The following MSN variants were observed in gnomAD, a reference collection of about 807,000 sequenced individuals.
MSN encodes epididymis luminal protein 70.
In MSN, 2 loss-of-function variants were observed where a neutral mutation model predicts 48.0. The observed-to-expected ratio is 0.04, with a 90% confidence interval of 0.02 to 0.13. MSN has a LOEUF of 0.13. Ranked by LOEUF, MSN falls within the 10% of genes least tolerant of loss-of-function variation. The pLI, the probability that MSN is intolerant of heterozygous loss-of-function variation, is 1.00. For synonymous variants in MSN, 146 were observed against 166.9 expected (o/e 0.87, Z 0.97); for missense variants, 267 against 470.1 (o/e 0.57, Z 3.99).
At chrX:65,643,401 T>G (rs769315720) in intron 1 of MSN, among the ~76,000 whole-genome samples, 2 of 109,243 alleles carry the variant, frequency 1.8e-5, no homozygotes, top group East Asian at 5.8e-4. Context: ...AAGGCAAGAG[T>G]GGGAGGAGAC....
intron 1 of MSN, among the ~76,000 whole-genome samples, chrX:65,707,197 C>A (rs1366731920): frequency 9.0e-6 from 1 of 111,000 alleles, no homozygotes; most frequent in Non-Finnish European, 1.9e-5. Flanking sequence ...GTGTCTCAGC[C>A]CAGCTAACTG....
At chrX:65,723,709 G>A (rs1450327594) in intron 2 of MSN, among the ~76,000 whole-genome samples, 1 of 111,901 alleles carries the variant, frequency 8.9e-6, no homozygotes, top group Non-Finnish European at 1.9e-5. Context: ...GCTTGGAAAA[G>A]GGGTTTAGAG....
chrX:65,737,706 A>C (rs188978663), intron 10 of MSN, among the ~76,000 whole-genome samples: 5 of 112,318 alleles, frequency 4.5e-5, no homozygotes, highest in Non-Finnish European at 7.5e-5. Flanking sequence ...CAGTAACCCT[A>C]TGGGATTAAC....
chrX:65,694,070 A>G (rs1438156759), intron 1 of MSN, among the ~76,000 whole-genome samples: 1 of 109,650 alleles, frequency 9.1e-6, no homozygotes, highest in African/African-American at 3.3e-5. Flanking sequence ...CACACAAACA[A>G]AAAACAAAAA....
At chrX:65,696,649 T>C (rs1028962852) in intron 1 of MSN, among the ~76,000 whole-genome samples, 2 of 110,928 alleles carry the variant, frequency 1.8e-5, no homozygotes, top group Admixed American at 9.6e-5. Flanking sequence ...ACCTCAGCAT[T>C]GAGGGGTGTG....
At chrX:65,614,136 C>T (rs2070345456) in intron 1 of MSN, among the ~76,000 whole-genome samples, 2 of 111,614 alleles carry the variant, frequency 1.8e-5, no homozygotes, top group African/African-American at 6.5e-5. Context: ...GAATCCTTTC[C>T]CCATTGCTTG....
Position 65,738,072 on chromosome X carries a change from C to T in MSN, c.1252-453C>T, listed in dbSNP as rs777220503. Among the ~76,000 whole-genome samples the T allele has an allele frequency of 1.1e-3, 120 of 112,279 alleles. 1 individual carries two copies. The highest frequency in any genetic ancestry group is 3.6e-3 in the African/African-American group (110 of 30,910). On this transcript the variant is annotated intron_variant, in intron 10 of 12. Coordinates refer to ENST00000360270, the MANE Select transcript of MSN (RefSeq NM_002444.3). ...GAGATTTACCCAAGGTGTGCATAAG[C>T]TTTTTTCCTTGTTCAGATAGCTTTG... is the stretch of plus-strand genomic sequence containing the variant.
intron 1 of MSN, among the ~76,000 whole-genome samples, chrX:65,679,906 T>G (rs1053220506): frequency 1.8e-5 from 2 of 112,379 alleles, no homozygotes; most frequent in Non-Finnish European, 3.8e-5. Flanking sequence ...AAGCCTTAGT[T>G]GGGTAGTGCT....
At chrX:65,715,902 T>C (rs973301358) in intron 1 of MSN, among the ~76,000 whole-genome samples, 2 of 111,883 alleles carry the variant, frequency 1.8e-5, no homozygotes, top group Non-Finnish European at 3.8e-5. Context: ...TTGTCTTGTG[T>C]CGGTTTTAAA....
At chrX:65,606,660 G>A (rs2070281951) in intron 1 of MSN, among the ~76,000 whole-genome samples, 1 of 112,030 alleles carries the variant, frequency 8.9e-6, no homozygotes, top group South Asian at 3.7e-4. Flanking sequence ...AACTCAAGCA[G>A]TTCTCCTGCC....
chrX:65,688,093 T>C (rs2071133688), intron 1 of MSN, among the ~76,000 whole-genome samples: 1 of 112,350 alleles, frequency 8.9e-6, no homozygotes, highest in African/African-American at 3.2e-5. Context: ...GGCATTGCCC[T>C]GTAATTTTTT....
chrX:65,591,658 C>G (rs1488758063), intron 1 of MSN, among the ~76,000 whole-genome samples: 1 of 111,923 alleles, frequency 8.9e-6, no homozygotes, highest in Non-Finnish European at 1.9e-5. Context: ...CATACTTTTC[C>G]CTATTATCAA....
intron 1 of MSN, among the ~76,000 whole-genome samples, chrX:65,638,522 C>T (rs961815541): frequency 7.1e-5 from 8 of 112,557 alleles, no homozygotes; most frequent in African/African-American, 2.3e-4. Flanking sequence ...GCAGGAGCAG[C>T]TGTAATCAGA....
chrX:65,648,795 G>A (rs765992589), intron 1 of MSN, among the ~76,000 whole-genome samples: 163 of 103,282 alleles, frequency 1.6e-3, no homozygotes, highest in African/African-American at 5.5e-3. Flanking sequence ...CCTGGGAGGC[G>A]GAAGTTGCAG....
intron 1 of MSN, among the ~76,000 whole-genome samples, chrX:65,590,322 G>A (rs1238242611): frequency 9.0e-6 from 1 of 111,281 alleles, no homozygotes; most frequent in East Asian, 2.8e-4. Flanking sequence ...TTTCTGTCCT[G>A]GGAGGCCTGT....
At chrX:65,636,808 G>A (rs780104492) in intron 1 of MSN, among the ~76,000 whole-genome samples, 2 of 101,157 alleles carry the variant, frequency 2.0e-5, no homozygotes, top group African/African-American at 7.3e-5. Context: ...AGGGCCAGGC[G>A]CGGTGGCTCA....
At chrX:65,639,673 C>T (rs1451989261) in intron 1 of MSN, among the ~76,000 whole-genome samples, 2 of 111,475 alleles carry the variant, frequency 1.8e-5, no homozygotes. Flanking sequence ...AGTGAAGTCC[C>T]CCTTTGCCTC....
At chrX:65,604,301 G>A (rs2070260720) in intron 1 of MSN, among the ~76,000 whole-genome samples, 1 of 112,168 alleles carries the variant, frequency 8.9e-6, no homozygotes, top group South Asian at 3.7e-4. Flanking sequence ...GTGCACGTGG[G>A]ATGTCCAGAG....
chrX:65,728,104 A>G (rs1201885908), intron 3 of MSN, among the ~76,000 whole-genome samples, 195 bp downstream of exon 3: 1 of 111,201 alleles, frequency 9.0e-6, no homozygotes, highest in Admixed American at 9.5e-5. Flanking sequence ...CTCTACTTTG[A>G]CTTCTAACAG....
Sources: allele counts gnomAD v4.1 joint callset (sites outside exome capture counted in the v4.1 genomes callset), GRCh38; gene constraint gnomAD v4.1.1; transcripts MANE v1.5; gene names NCBI Gene and HGNC (gene_info 2026-07-23, HGNC 2026-07-21).